Variants in AHI1 observed in about 807,000 individuals in gnomAD.
AHI1 encodes jouberin.
Under a neutral mutation model 149.3 loss-of-function variants are expected in AHI1, and 123 were observed. That is an observed-to-expected ratio of 0.82 (90% CI 0.71 to 0.96). The LOEUF is 0.96. AHI1 is among the 40% of genes least tolerant of loss of function. The pLI is 0.00. For synonymous variants in AHI1, 475 were observed against 459.8 expected (o/e 1.03, Z -0.42); for missense variants, 1,439 against 1,422.7 (o/e 1.01, Z -0.18).
intron 20 of AHI1, among the ~76,000 whole-genome samples, chr6:135,423,259 C>A (rs1783468601): frequency 6.6e-6 from 1 of 152,114 alleles, no homozygotes; most frequent in African/African-American, 2.4e-5. Flanking sequence ...TGATGCCTCT[C>A]AGCATATATT....
At chr6:135,340,376 A>C (rs1790105818) in intron 24 of AHI1, among the ~76,000 whole-genome samples, 1 of 151,894 alleles carries the variant, frequency 6.6e-6, no homozygotes, top group African/African-American at 2.4e-5. Context: ...GTCTCAAAAA[A>C]CAAAAACCAA....
rs1046052551 is a variant in AHI1, at chr6:135,285,512, A to G, written c.*133T>C. ...GATTCTGATTTTTCTAGAGTCATTC[A>G]TAAGAACAAGAAGTAGTGGATCCTT... On this transcript the variant is annotated 3_prime_UTR_variant, in exon 29 of 29. Transcript: ENST00000265602. 6.0e-5 allele frequency: 57 copies of G among 953,016 alleles called. No individual in the cohort carries two copies. The highest frequency in any genetic ancestry group is 9.2e-5 in the Non-Finnish European group (57 of 617,792). The allele number at this position is 953,016 out of a possible 1,614,324, so 59.0% of individuals were successfully genotyped here. A position where few individuals can be genotyped will look rare whatever the true frequency, so the allele number is the denominator to read the frequency against.
Position 135,327,691 on chromosome 6 carries a change from C to A in AHI1, c.3166-4367G>T, listed in dbSNP as rs148052710. ...CAAGGTAGGGCTCTAATCACCACCC[C>A]CTACCTTTCTGACTGTAGGTCTTAT... is the stretch of plus-strand genomic sequence containing the variant. On this transcript the variant is annotated intron_variant, in intron 24 of 28. Coordinates refer to ENST00000265602, the MANE Select transcript of AHI1 (RefSeq NM_001134831.2). 1.3e-4 allele frequency among the ~76,000 whole-genome samples: 20 copies of A among 152,218 alleles called. No homozygotes were observed. The East Asian group carries it at 3.5e-3, about 26-fold the overall frequency.
At chr6:135,417,253 A>G (rs1207033200) in intron 20 of AHI1, among the ~76,000 whole-genome samples, 1 of 152,064 alleles carries the variant, frequency 6.6e-6, no homozygotes, top group Non-Finnish European at 1.5e-5. Flanking sequence ...TTAATTATTT[A>G]ATGACATTTT....
chr6:135,344,611 ACCCT>A (rs1163355494), intron 24 of AHI1, among the ~76,000 whole-genome samples: 1 of 141,322 alleles, frequency 7.1e-6, no homozygotes, highest in Non-Finnish European at 1.6e-5. Flanking sequence ...TTAACTTCAA[ACCCT>A]CCCTCCCTCC....
chr6:135,353,657 TTGAG>T (rs1487434903), intron 24 of AHI1, among the ~76,000 whole-genome samples: 1 of 152,068 alleles, frequency 6.6e-6, no homozygotes, highest in African/African-American at 2.4e-5. Flanking sequence ...CCAACAGCTA[TTGAG>T]TAAGTACAGA....
At chr6:135,343,653 A>G (rs1204383321) in intron 24 of AHI1, among the ~76,000 whole-genome samples, 1 of 151,556 alleles carries the variant, frequency 6.6e-6, no homozygotes. Context: ...AAAAACACCA[A>G]AAAACAAACT....
At chr6:135,328,904 T>G (rs1788115124) in intron 24 of AHI1, among the ~76,000 whole-genome samples, 1 of 152,152 alleles carries the variant, frequency 6.6e-6, no homozygotes, top group Non-Finnish European at 1.5e-5. Flanking sequence ...ATTGCTGATA[T>G]GGAAGTTTTA....
intron 14 of AHI1, among the ~76,000 whole-genome samples, 179 bp downstream of exon 14, chr6:135,442,403 A>G (rs1280156888): frequency 1.3e-5 from 2 of 152,130 alleles, no homozygotes; most frequent in Non-Finnish European, 2.9e-5. Context: ...ACGAACAGTT[A>G]CTGTATAGAA....
intron 25 of AHI1, among the ~76,000 whole-genome samples, chr6:135,322,164 GATA>G (rs1208841019): frequency 6.6e-6 from 1 of 152,204 alleles, no homozygotes; most frequent in East Asian, 1.9e-4. Context: ...AAAGCTTACA[GATA>G]ATATCATTTA....
intron 23 of AHI1, among the ~76,000 whole-genome samples, chr6:135,361,059 A>T (rs1793786417): frequency 6.6e-6 from 1 of 152,152 alleles, no homozygotes; most frequent in Non-Finnish European, 1.5e-5. Flanking sequence ...ATAGTCAAAT[A>T]GTTTTACTCT....
At chr6:135,471,353 T>C (rs1791662058) in intron 5 of AHI1, among the ~76,000 whole-genome samples, 1 of 152,226 alleles carries the variant, frequency 6.6e-6, no homozygotes. Flanking sequence ...TTCCAGAGTA[T>C]CTTCAGTAGC....
intron 23 of AHI1, among the ~76,000 whole-genome samples, chr6:135,360,336 A>C (rs1331315444): frequency 6.6e-6 from 1 of 152,232 alleles, no homozygotes; most frequent in Non-Finnish European, 1.5e-5. Flanking sequence ...CATTTAAATC[A>C]ACAGGCTTTG....
At chr6:135,290,298 C>T (rs1205449048) in intron 28 of AHI1, 125 bp downstream of exon 28, 5 of 686,792 alleles carry the variant, frequency 7.3e-6, no homozygotes, top group Non-Finnish European at 7.8e-6. Flanking sequence ...GTTACAGATC[C>T]CAAATGGGAC....
intron 24 of AHI1, among the ~76,000 whole-genome samples, chr6:135,329,274 G>A (rs1297834156): frequency 6.6e-6 from 1 of 152,182 alleles, no homozygotes; most frequent in Non-Finnish European, 1.5e-5. Context: ...CTAGAGAGGA[G>A]AAGTCAATGA....
At chr6:135,371,090 T>C (rs542371702) in intron 23 of AHI1, among the ~76,000 whole-genome samples, 8 of 152,188 alleles carry the variant, frequency 5.3e-5, no homozygotes, top group African/African-American at 1.9e-4. Context: ...TTTAAAGAGA[T>C]AAAAATGCAT....
intron 20 of AHI1, among the ~76,000 whole-genome samples, chr6:135,418,120 A>G (rs1782649306): frequency 6.6e-6 from 1 of 152,134 alleles, no homozygotes; most frequent in Non-Finnish European, 1.5e-5. Context: ...TTTAAAACTC[A>G]TAATTTTAAC....
chr6:135,348,428 T>C lies in AHI1; in HGVS notation c.3165+9704A>G, dbSNP rs543570236. Among the ~76,000 whole-genome samples the C allele has an allele frequency of 2.0e-5, 3 of 152,290 alleles. No homozygotes were observed. In the East Asian group the frequency reaches 5.8e-4, roughly 29 times the overall value. On this transcript the variant is annotated intron_variant, in intron 24 of 28. Transcript: ENST00000265602. ...TAGAGTGGTTAAATTTTATTTTCCT[T>C]TTGGTAAAGGAAAATTTTAAGTAAC...
At chr6:135,365,517 T>A (rs963533271) in intron 23 of AHI1, among the ~76,000 whole-genome samples, 6 of 152,212 alleles carry the variant, frequency 3.9e-5, no homozygotes, top group African/African-American at 1.4e-4. Flanking sequence ...CTTGTAGAGA[T>A]CTTTCACCTC....
Sources: allele counts gnomAD v4.1 joint callset (sites outside exome capture counted in the v4.1 genomes callset), GRCh38; gene constraint gnomAD v4.1.1; transcripts MANE v1.5; gene names NCBI Gene and HGNC (gene_info 2026-07-23, HGNC 2026-07-21).